Variants in DLGAP2 observed in about 807,000 individuals in gnomAD.
The protein encoded by DLGAP2 is disks large-associated protein 2.
Under a neutral mutation model 100.3 loss-of-function variants are expected in DLGAP2, and 26 were observed. The observed-to-expected ratio is 0.26, with a 90% CI of 0.19 to 0.36. The LOEUF is 0.36. Among genes scored for constraint, DLGAP2 ranks in the 10% least tolerant of loss-of-function variants. The pLI is 1.00. For synonymous variants in DLGAP2, 886 were observed against 630.1 expected, an observed-to-expected ratio of 1.41 and a Z score of -6.08; for missense variants, 1,858 against 1,453.2, an observed-to-expected ratio of 1.28 and a Z score of -4.53.
chr8:1,095,394 C>T (rs1260543488), intron 2 of DLGAP2, among the ~76,000 whole-genome samples: 1 of 152,206 alleles, frequency 6.6e-6, no homozygotes, highest in Admixed American at 6.5e-5. Flanking sequence ...CCAAGCTCAC[C>T]CTCGCCCGGG....
chr8:936,763 A>G (rs186370894), intron 2 of DLGAP2, among the ~76,000 whole-genome samples: 1 of 152,250 alleles, frequency 6.6e-6, no homozygotes, highest in African/African-American at 2.4e-5. Context: ...GCTGCTGTTT[A>G]AGGGAATGCT....
chr8:1,264,506 A>C (rs763792158), intron 3 of DLGAP2, among the ~76,000 whole-genome samples: 2 of 152,170 alleles, frequency 1.3e-5, no homozygotes, highest in Non-Finnish European at 2.9e-5. Context: ...TATGGATCTG[A>C]GATCTGAATT....
chr8:1,586,547 C>T (rs940010747), intron 6 of DLGAP2, among the ~76,000 whole-genome samples: 2 of 152,210 alleles, frequency 1.3e-5, no homozygotes, highest in African/African-American at 4.8e-5. Flanking sequence ...CCGGGGTCTG[C>T]TGGTTAGCAA....
chr8:1,415,208 TGA>T (rs1230834813), intron 3 of DLGAP2, among the ~76,000 whole-genome samples: 2 of 152,220 alleles, frequency 1.3e-5, no homozygotes, highest in Non-Finnish European at 2.9e-5. Context: ...TCTGTGAACT[TGA>T]CTCCAGGCAG....
intron 2 of DLGAP2, among the ~76,000 whole-genome samples, chr8:1,227,911 A>G (rs1344634223): frequency 2.6e-5 from 4 of 152,344 alleles, no homozygotes; most frequent in South Asian, 2.1e-4. Context: ...TGCTCTTGCT[A>G]TACACACACA....
At chr8:1,283,716 G>C (rs1363324375) in intron 3 of DLGAP2, among the ~76,000 whole-genome samples, 1 of 152,154 alleles carries the variant, frequency 6.6e-6, no homozygotes, top group Non-Finnish European at 1.5e-5. Flanking sequence ...CTTTGGTCTT[G>C]TCACTCTAAT....
intron 3 of DLGAP2, among the ~76,000 whole-genome samples, chr8:1,475,784 A>G (rs59323914): frequency 0.014 from 2,138 of 152,310 alleles, 99 homozygotes; most frequent in East Asian, 0.12. Flanking sequence ...CAACTATTCA[A>G]TAATGCTTCT....
chr8:1,671,433 T>C (rs1798687317), intron 10 of DLGAP2, among the ~76,000 whole-genome samples: 1 of 152,168 alleles, frequency 6.6e-6, no homozygotes, highest in South Asian at 2.1e-4. Context: ...TTCCTACAAA[T>C]GAACAGCGTC....
intron 2 of DLGAP2, among the ~76,000 whole-genome samples, chr8:939,990 T>C (rs1799157139): frequency 6.6e-6 from 1 of 151,976 alleles, no homozygotes; most frequent in Non-Finnish European, 1.5e-5. Flanking sequence ...CAACTGCCCA[T>C]GAGAGAATCC....
intron 1 of DLGAP2, among the ~76,000 whole-genome samples, chr8:906,450 AGGT>A (rs1365710337): frequency 6.6e-6 from 1 of 152,110 alleles, no homozygotes; most frequent in Non-Finnish European, 1.5e-5. Flanking sequence ...GTGCTGGAAA[AGGT>A]GAGTGAATGG....
At chr8:1,626,402 T>C (rs1423651493) in intron 6 of DLGAP2, among the ~76,000 whole-genome samples, 17 of 100,524 alleles carry the variant, frequency 1.7e-4, no homozygotes, top group African/African-American at 4.3e-4. Context: ...GCTGTTCCCA[T>C]CTCTACCCTG....
intron 2 of DLGAP2, among the ~76,000 whole-genome samples, chr8:1,210,585 T>A (rs1346182297): frequency 6.6e-6 from 1 of 152,196 alleles, no homozygotes; most frequent in East Asian, 1.9e-4. Flanking sequence ...GAAGTTTCTC[T>A]GGCAGGTGGG....
chr8:1,111,900 A>G (rs1359926356), intron 2 of DLGAP2, among the ~76,000 whole-genome samples: 4 of 152,116 alleles, frequency 2.6e-5, no homozygotes, highest in Admixed American at 1.3e-4. Context: ...AGAATGATTT[A>G]TATTCCTCTG....
chr8:1,094,612 C>T (rs548826044), intron 2 of DLGAP2, among the ~76,000 whole-genome samples: 10 of 152,226 alleles, frequency 6.6e-5, no homozygotes, highest in South Asian at 4.1e-4. Flanking sequence ...TTGAATTCCT[C>T]GGCTCATCAC....
intron 2 of DLGAP2, among the ~76,000 whole-genome samples, chr8:1,097,591 G>T (rs1804424095): frequency 7.2e-6 from 1 of 138,124 alleles, no homozygotes. Flanking sequence ...ACCCTCTGTG[G>T]CATGGAGAGG....
chr8:1,574,760 A>G (rs141581269), intron 6 of DLGAP2, among the ~76,000 whole-genome samples: 149 of 152,350 alleles, frequency 9.8e-4, no homozygotes, highest in African/African-American at 3.5e-3. Flanking sequence ...AATATTTAAA[A>G]GCAGAAATTG....
chr8:1,090,770 G>GTTA (rs1176511848), intron 2 of DLGAP2, among the ~76,000 whole-genome samples: 6 of 152,194 alleles, frequency 3.9e-5, no homozygotes, highest in South Asian at 2.1e-4. Flanking sequence ...TGTTGTTGTT[G>GTTA]TTATTATTAT....
intron 4 of DLGAP2, among the ~76,000 whole-genome samples, chr8:1,517,868 A>C (rs1191617647): frequency 2.6e-5 from 4 of 152,202 alleles, no homozygotes; most frequent in African/African-American, 7.2e-5. Flanking sequence ...AGGGTCATGG[A>C]ATAAGACAGA....
chr8:1,230,659 C>T (rs568551949), intron 2 of DLGAP2, among the ~76,000 whole-genome samples: 1 of 152,182 alleles, frequency 6.6e-6, no homozygotes, highest in East Asian at 1.9e-4. Flanking sequence ...CAAAAACAGA[C>T]ACATAAACCA....
Sources: gnomAD v4.1 joint callset for allele counts (sites outside exome capture counted in the v4.1 genomes callset) on GRCh38, gnomAD v4.1.1 for gene constraint, MANE v1.5 for transcripts, NCBI Gene and HGNC (gene_info 2026-07-23, HGNC 2026-07-21) for gene names.